SAMMSON: variants seen among roughly 807,000 people sequenced by gnomAD.
SAMMSON encodes survival associated mitochondrial melanoma specific oncogenic non-coding RNA.
intron 4 of SAMMSON, among the ~76,000 whole-genome samples, chr3:70,138,025 A>G (rs1017137606): frequency 5.3e-5 from 8 of 152,176 alleles, no homozygotes; most frequent in African/African-American, 9.7e-5. Context: ...ATTTATTTCT[A>G]AGAAATATAG....
chr3:70,203,408 T>C (rs1300311473), intron 4 of SAMMSON, among the ~76,000 whole-genome samples: 1 of 152,288 alleles, frequency 6.6e-6, no homozygotes, highest in South Asian at 2.1e-4. Context: ...TGCCTTTCTC[T>C]AGCTGGGGTA....
At chr3:70,041,048 T>G (rs1052783695) in intron 3 of SAMMSON, among the ~76,000 whole-genome samples, 1 of 152,130 alleles carries the variant, frequency 6.6e-6, no homozygotes, top group Non-Finnish European at 1.5e-5. Flanking sequence ...TTGCAGTAAA[T>G]TTGAAAGCAA....
At chr3:70,217,707 C>T (rs1010361608) in intron 4 of SAMMSON, among the ~76,000 whole-genome samples, 3 of 152,006 alleles carry the variant, frequency 2.0e-5, no homozygotes, top group Admixed American at 6.6e-5. Context: ...TGCATGATAT[C>T]GAATTGGGCA....
chr3:70,140,413 C>A, intron 4 of SAMMSON: 1 of 194,846 alleles, frequency 5.1e-6, no homozygotes. Flanking sequence ...GAAGAGAATG[C>A]CATGGAGGAG....
chr3:70,295,483 A>G (rs577101850), intron 7 of SAMMSON, among the ~76,000 whole-genome samples: 2 of 152,056 alleles, frequency 1.3e-5, no homozygotes, highest in Non-Finnish European at 2.9e-5. Flanking sequence ...TGAGATAATC[A>G]CTTGAGGCCA....
chr3:70,192,236 T>G lies in SAMMSON; in HGVS notation n.508-56871T>G, dbSNP rs190676944. On this transcript the variant is annotated intron_variant and non_coding_transcript_variant, in intron 4 of 9. Transcript: ENST00000642114. ...AGAAGAAAATACTCCTTTATAGCTG[T>G]GCAAGCACCTCTAATACAGGTCCTT... Among the ~76,000 whole-genome samples the G allele has an allele frequency of 2.0e-5, 3 of 152,298 alleles. No individual in the cohort carries two copies. In the East Asian group the frequency reaches 5.8e-4, roughly 29 times the overall value.
At chr3:70,018,669 A>T (rs1308357670) in intron 3 of SAMMSON, among the ~76,000 whole-genome samples, 1 of 151,766 alleles carries the variant, frequency 6.6e-6, no homozygotes, top group African/African-American at 2.4e-5. Context: ...TTTAATTGTG[A>T]TGTTAGGGTG....
At chr3:70,188,057 A>G (rs944254722) in intron 4 of SAMMSON, among the ~76,000 whole-genome samples, 3 of 152,158 alleles carry the variant, frequency 2.0e-5, no homozygotes, top group Admixed American at 2.0e-4. Context: ...AAGGAAATCA[A>G]CACCATAAAC....
chr3:70,335,327 T>C (rs4246677), intron 7 of SAMMSON, among the ~76,000 whole-genome samples: 115,120 of 151,824 alleles, frequency 0.76, 43,950 homozygotes, highest in Middle Eastern at 0.8. Flanking sequence ...CCTCAAATAT[T>C]TGTCAGTTTG....
chr3:70,042,331 A>G (rs1386015833), intron 3 of SAMMSON, among the ~76,000 whole-genome samples: 1 of 152,020 alleles, frequency 6.6e-6, no homozygotes, highest in Non-Finnish European at 1.5e-5. Context: ...GCTTTGAGCA[A>G]TTTCTTCCAA....
In SAMMSON at chr3:70,231,471, G is replaced by C. The variant is rs184969049; in HGVS notation, n.508-17636G>C. Among the ~76,000 whole-genome samples the C allele has an allele frequency of 7.4e-3, 1,133 of 152,316 alleles. 9 individuals are homozygous for C. The highest frequency in any genetic ancestry group is 0.012 in the Non-Finnish European group (794 of 68,030). On this transcript the variant is annotated intron_variant and non_coding_transcript_variant, in intron 4 of 9. Transcript: ENST00000642114. The stretch of plus-strand genomic sequence containing the variant: ...CTCTAAAAGAGCTCCCTTCTAAATT[G>C]CATCACACGTGCCGCGTACTCTTCA...
chr3:70,398,057 A>C (rs890514642), intron 2 of SAMMSON, among the ~76,000 whole-genome samples: 2 of 152,236 alleles, frequency 1.3e-5, no homozygotes, highest in African/African-American at 4.8e-5. Flanking sequence ...CACAGTGGCC[A>C]GTGTCTAGAA....
At chr3:70,167,115 A>C (rs1431178687) in intron 4 of SAMMSON, among the ~76,000 whole-genome samples, 1 of 152,038 alleles carries the variant, frequency 6.6e-6, no homozygotes, top group Non-Finnish European at 1.5e-5. Flanking sequence ...TCATATAATC[A>C]GTATAACTTT....
At chr3:70,269,455 G>A (rs1259689474) in intron 6 of SAMMSON, among the ~76,000 whole-genome samples, 1 of 152,126 alleles carries the variant, frequency 6.6e-6, no homozygotes, top group Non-Finnish European at 1.5e-5. Context: ...GTTCAAGTAA[G>A]GCAAATGCTG....
chr3:70,306,401 T>A (rs1375042585), intron 7 of SAMMSON, among the ~76,000 whole-genome samples: 1 of 152,160 alleles, frequency 6.6e-6, no homozygotes, highest in Non-Finnish European at 1.5e-5. Flanking sequence ...ATGAGCTACC[T>A]CACCCGGCCA....
intron 3 of SAMMSON, among the ~76,000 whole-genome samples, chr3:70,036,418 A>T (rs761296617): frequency 2.6e-5 from 4 of 152,162 alleles, no homozygotes; most frequent in Non-Finnish European, 4.4e-5. Flanking sequence ...GAAGGGATTG[A>T]TATCACTCTC....
chr3:70,198,591 T>G (rs980931641), intron 4 of SAMMSON, among the ~76,000 whole-genome samples: 5 of 152,152 alleles, frequency 3.3e-5, no homozygotes, highest in African/African-American at 4.8e-5. Flanking sequence ...TTTCCTCTTT[T>G]TCTCTCCATC....
intron 7 of SAMMSON, among the ~76,000 whole-genome samples, chr3:70,322,379 C>T (rs889225296): frequency 2.0e-5 from 3 of 152,032 alleles, no homozygotes; most frequent in African/African-American, 7.2e-5. Context: ...TCATTTTCCT[C>T]TTCATCTCCT....
At chr3:70,185,099 T>A (rs1056613946) in intron 4 of SAMMSON, among the ~76,000 whole-genome samples, 3 of 152,186 alleles carry the variant, frequency 2.0e-5, no homozygotes, top group African/African-American at 7.2e-5. Context: ...AACATATCCA[T>A]GTGTTTTTGG....
Sources: allele counts gnomAD v4.1 joint callset (sites outside exome capture counted in the v4.1 genomes callset), GRCh38; gene constraint gnomAD v4.1.1; transcripts MANE v1.5; gene names NCBI Gene and HGNC (gene_info 2026-07-23, HGNC 2026-07-21).